Variants in SART3 observed in about 807,000 individuals in gnomAD.
SART3 encodes HIV-1 Tat-interacting protein of 110kDa.
A neutral mutation model predicts 122.3 loss-of-function variants in SART3; 44 were observed. The ratio of observed to expected loss-of-function variants is 0.36; its 90% CI spans 0.28 to 0.46. The LOEUF (loss-of-function observed/expected upper bound fraction) is 0.46, where lower values mean the gene tolerates loss of function less well. Ranked by LOEUF, SART3 falls within the 20% of genes least tolerant of loss-of-function variation. The probability of loss-of-function intolerance (pLI) is 1.00; values close to 1 mark genes in which losing one functional copy is unlikely to be tolerated. For missense variants in SART3, 1,101 were observed against 1,229.0 expected, an observed-to-expected ratio of 0.90 and a Z score of 1.56; for synonymous variants, 442 against 454.0, an observed-to-expected ratio of 0.97 and a Z score of 0.34.
At chr12:108,529,913 T>C (rs1353971064) in intron 15 of SART3, among the ~76,000 whole-genome samples, 1 of 152,120 alleles carries the variant, frequency 6.6e-6, no homozygotes, top group African/African-American at 2.4e-5. Flanking sequence ...CAAAGGACAT[T>C]ATCAGGATAA....
rs553662909 is a variant in SART3 at position 108,537,075 on chromosome 12, T to C, written c.1310-290A>G. The C allele has an allele frequency of 9.9e-5, 47 of 475,154 alleles. No homozygotes were observed. The East Asian group carries it at 1.8e-3, about 18-fold the overall frequency. The allele number at this position is 475,154 out of a possible 1,614,324, so 29.4% of individuals were successfully genotyped here. On this transcript the variant is annotated intron_variant, in intron 9 of 18. Coordinates refer to ENST00000546815, the MANE Select transcript of SART3 (RefSeq NM_014706.4). ...AACAAGAGAATGGCTAAAGGCTACCTGTATGAGGTGACAGCTGACATGAGT... is the reference window on the plus strand; with the variant it reads ...AACAAGAGAATGGCTAAAGGCTACCCGTATGAGGTGACAGCTGACATGAGT...
intron 13 of SART3, 44 bp downstream of exon 13, chr12:108,532,178 C>T (rs1872708222): frequency 1.3e-6 from 2 of 1,556,642 alleles, no homozygotes; most frequent in African/African-American, 1.4e-5. Flanking sequence ...GACCAAACAG[C>T]AAATGGGTTA....
chr12:108,532,271 G>C lies in SART3; in HGVS notation c.1620C>G (p.Asp540Glu). The change falls in exon 13 of 19, where the codon GAC (aspartate) becomes GAG (glutamate). Residue 540 changes from aspartate (D) to glutamate (E), a missense_variant. This residue lies in a region of SART3 where 885 missense variants were observed against 1,080.1 expected (regional missense o/e 0.82). Coordinates refer to ENST00000546815, the MANE Select transcript of SART3 (RefSeq NM_014706.4). ...ALHRAVQCTSDYPEHVCEVLL... is the reference protein window; with the variant it reads ...ALHRAVQCTSEYPEHVCEVLL... ...ACACTTCGCAGACGTGCTCTGGGTA[G>C]TCACTGGTGCACTGGACGGCCCGGT... 1 of 1,614,206 alleles carries C rather than the reference G, an allele frequency of 6.2e-7. No homozygotes were observed. Among genetic ancestry groups the C allele is most frequent in the Non-Finnish European group, 8.5e-7 (1 of 1,180,024 alleles).
chr12:108,539,978 A>C (rs1212609820), intron 6 of SART3, among the ~76,000 whole-genome samples: 2 of 152,236 alleles, frequency 1.3e-5, no homozygotes, highest in African/African-American at 4.8e-5. Context: ...TGGCAAGCTA[A>C]GTAAACATTA....
In SART3 at chr12:108,523,413, G is replaced by C. The variant is rs199703894; in HGVS notation, c.*44C>G. The stretch of plus-strand genomic sequence containing the variant: ...ACTGCTGGGTGGTGGGAGGTCCGCC[G>C]GGCCAGAGTGAAGTAAGGCATTTCC... On this transcript the variant is annotated 3_prime_UTR_variant, in exon 19 of 19. Transcript: ENST00000546815. 1 of 1,605,396 alleles carries C rather than the reference G, an allele frequency of 6.2e-7. No individual in the cohort carries two copies. Among genetic ancestry groups the C allele is most frequent in the Admixed American group, 1.7e-5 (1 of 60,012 alleles).
chr12:108,548,519 C>A (rs1442071153), intron 2 of SART3, among the ~76,000 whole-genome samples: 1 of 152,164 alleles, frequency 6.6e-6, no homozygotes, highest in South Asian at 2.1e-4. Context: ...CATCTACACT[C>A]GGCAGTTATG....
Position 108,525,602 on chromosome 12 carries a change from C to G in SART3, c.2378G>C (p.Arg793Thr). 1 of 1,614,064 alleles carries G rather than the reference C, an allele frequency of 6.2e-7. No individual in the cohort carries two copies. Among genetic ancestry groups the G allele is most frequent in the Non-Finnish European group, 8.5e-7 (1 of 1,179,968 alleles). ...GTGTTTCTCTAGGGAAGTGCTGTAC[C>G]TGAACACCTATAGGAAGAAGGAAGA... ...KSKNPDFKVFRYSTSLEKHKL... is the reference protein window; with the variant it reads ...KSKNPDFKVFTYSTSLEKHKL... Residue 793 changes from arginine to threonine, a missense_variant, in exon 17 of 19, where the codon AGG (arginine) becomes ACG (threonine). Coordinates refer to ENST00000546815, the MANE Select transcript of SART3 (RefSeq NM_014706.4).
At chr12:108,550,724 G>A (rs1219066293) in intron 1 of SART3, among the ~76,000 whole-genome samples, 1 of 152,110 alleles carries the variant, frequency 6.6e-6, no homozygotes, top group Non-Finnish European at 1.5e-5. Flanking sequence ...TTAGCTGGGT[G>A]TGGTGGCACA....
chr12:108,540,311 G>A (rs1385770202), intron 6 of SART3, among the ~76,000 whole-genome samples: 3 of 152,134 alleles, frequency 2.0e-5, no homozygotes, highest in African/African-American at 7.2e-5. Context: ...TGCTGTTGTC[G>A]GTCTAGAATT....
At chr12:108,532,119 A>T in intron 13 of SART3, 103 bp downstream of exon 13, 1 of 938,640 alleles carries the variant, frequency 1.1e-6, no homozygotes, top group Non-Finnish European at 1.7e-6. Context: ...CTAAGGTGGC[A>T]GCATAAACAC....
chr12:108,558,296 A>C (rs560224276), intron 1 of SART3, among the ~76,000 whole-genome samples: 2 of 152,352 alleles, frequency 1.3e-5, no homozygotes, highest in South Asian at 4.1e-4. Context: ...AGCAGGAAGA[A>C]GCAGCTGTGG....
chr12:108,534,176 T>A (rs1440915338), intron 12 of SART3, among the ~76,000 whole-genome samples: 1 of 152,224 alleles, frequency 6.6e-6, no homozygotes, highest in Non-Finnish European at 1.5e-5. Flanking sequence ...AGATAATTTG[T>A]TATATTTAAA....
chr12:108,544,499 C>G, intron 4 of SART3, 21 bp from the exon 5 acceptor site: 1 of 1,614,180 alleles, frequency 6.2e-7, no homozygotes, highest in Non-Finnish European at 8.5e-7. Context: ...AAGGTTTGTT[C>G]CCGGTCAAAA....
rs949168053 is a variant in SART3, at chr12:108,536,378, A to G, written c.1446+136T>C. The G allele has an allele frequency of 1.6e-5, 14 of 869,694 alleles. No individual in the cohort carries two copies. In the African/African-American group the frequency reaches 2.3e-4, roughly 14 times the overall value. The allele number at this position is 869,694 out of a possible 1,614,324, so 53.9% of individuals were successfully genotyped here. On this transcript the variant is annotated intron_variant, in intron 11 of 18. Coordinates refer to ENST00000546815, the MANE Select transcript of SART3 (RefSeq NM_014706.4). ...CATGAATCCTTGTGGAGCCTAGACCATTACCTAGGTAATAACATAAATCCT... is the reference window on the plus strand; with the variant it reads ...CATGAATCCTTGTGGAGCCTAGACCGTTACCTAGGTAATAACATAAATCCT...
rs758165784 is a variant in SART3, at chr12:108,544,501, C to T, written c.730-23G>A. 12 of 1,614,038 alleles carry T rather than the reference C, an allele frequency of 7.4e-6. No individual in the cohort carries two copies. In the East Asian group the frequency reaches 8.9e-5, roughly 12 times the overall value. On this transcript the variant is annotated intron_variant, in intron 4 of 18. Coordinates refer to ENST00000546815, the MANE Select transcript of SART3 (RefSeq NM_014706.4). ...AAGCTGTGAATCAAAGGTTTGTTCC[C>T]GGTCAAAAGGGGAAAGGAAGCCAGC...
At chr12:108,560,815 G>A in intron 1 of SART3, 28 bp downstream of exon 1, 1 of 1,564,308 alleles carries the variant, frequency 6.4e-7, no homozygotes, top group Non-Finnish European at 8.7e-7. Flanking sequence ...AAGACTGGAA[G>A]ATGCCCGCTG....
At chr12:108,525,642 G>C in intron 16 of SART3, 33 bp from the exon 17 acceptor site, 2 of 1,611,602 alleles carry the variant, frequency 1.2e-6, no homozygotes, top group Non-Finnish European at 1.7e-6. Flanking sequence ...GAAAAACCAT[G>C]ATTCGAGGCA....
intron 1 of SART3, among the ~76,000 whole-genome samples, chr12:108,558,061 T>C (rs2030308631): frequency 6.6e-6 from 1 of 152,002 alleles, no homozygotes; most frequent in Non-Finnish European, 1.5e-5. Flanking sequence ...CCGAGATACT[T>C]TGGAGGATGA....
intron 13 of SART3, chr12:108,531,969 G>A (rs1036999260): frequency 4.3e-6 from 2 of 461,316 alleles, no homozygotes; most frequent in Non-Finnish European, 8.1e-6. Context: ...ATTGTATAAC[G>A]CACAGTCCCC....
Sources: gnomAD v4.1 joint callset for allele counts (sites outside exome capture counted in the v4.1 genomes callset) on GRCh38, gnomAD v4.1.1 for gene constraint, gnomAD v4.1.1 regional missense constraint, MANE v1.5 for transcripts, NCBI Gene and HGNC (gene_info 2026-07-23, HGNC 2026-07-21) for gene names.